The following MRC1 variants were observed in gnomAD, a reference collection of about 807,000 sequenced individuals.
The protein encoded by MRC1 is macrophage mannose receptor 1.
Under a neutral mutation model 102.9 loss-of-function variants are expected in MRC1, and 62 were observed. The observed-to-expected ratio is 0.60, with a 90% CI of 0.49 to 0.74. The LOEUF is 0.74. Ranked by LOEUF, MRC1 falls within the 30% of genes least tolerant of loss-of-function variation. The pLI, the probability that MRC1 is intolerant of heterozygous loss-of-function variation, is 0.00. For synonymous variants in MRC1, 457 were observed against 298.4 expected (o/e 1.53, Z -5.48); for missense variants, 1,237 against 862.8 (o/e 1.43, Z -5.43).
intron 8 of MRC1, among the ~76,000 whole-genome samples, chr10:17,855,169 T>A (rs1833065047): frequency 6.6e-6 from 1 of 152,132 alleles, no homozygotes; most frequent in Non-Finnish European, 1.5e-5. Flanking sequence ...AAGATGACTG[T>A]GGTTTCATGA....
intron 1 of MRC1, among the ~76,000 whole-genome samples, chr10:17,819,373 T>C (rs1424665479): frequency 2.0e-5 from 3 of 152,044 alleles, no homozygotes; most frequent in African/African-American, 7.2e-5. Flanking sequence ...AGCCAAACCA[T>C]GGTGGCTTGG....
intron 21 of MRC1, among the ~76,000 whole-genome samples, chr10:17,882,431 C>T (rs966254240): frequency 6.6e-6 from 1 of 151,854 alleles, no homozygotes; most frequent in East Asian, 1.9e-4. Context: ...AGATGCTCAA[C>T]AGTTGTTTGT....
In MRC1 at chr10:17,870,861, T is replaced by C; in HGVS notation, c.2125T>C (p.Tyr709His). 1 of 872,458 alleles carries C rather than the reference T, an allele frequency of 1.1e-6. No individual in the cohort carries two copies. Among genetic ancestry groups the C allele is most frequent in the Non-Finnish European group, 2.0e-6 (1 of 501,248 alleles). 54.0% of individuals were successfully genotyped at this position (872,458 alleles called of 1,614,324 possible). Residue 709 changes from tyrosine to histidine, a missense_variant, in exon 14 of 30, where the codon TAC (tyrosine) becomes CAC (histidine). By Grantham distance (83) the Tyr-to-His change is moderately conservative. Transcript: ENST00000569591. ...TGGATTTCATAGAGCTAGTGGAAGC[T>C]ACCACAAACTGTTTTGGTTGGGATT... is the stretch of plus-strand genomic sequence containing the variant. The part of the protein sequence containing the change: ...IWRLITASGS[Y>H]HKLFWLGLTY...
At chr10:17,905,548 G>A (rs1036338656) in intron 26 of MRC1, among the ~76,000 whole-genome samples, 9,501 of 151,530 alleles carry the variant, frequency 0.063, 992 homozygotes, top group African/African-American at 0.22. Flanking sequence ...TGAATATGTA[G>A]AAACTTTGTT....
At chr10:17,820,766 C>CT (rs1554838222) in intron 1 of MRC1, among the ~76,000 whole-genome samples, 1 of 152,056 alleles carries the variant, frequency 6.6e-6, no homozygotes, top group African/African-American at 2.4e-5. Flanking sequence ...TTACATATAT[C>CT]TATGGCAAAA....
intron 12 of MRC1, among the ~76,000 whole-genome samples, 197 bp downstream of exon 12, chr10:17,866,958 A>G (rs1833278028): frequency 6.6e-6 from 1 of 152,034 alleles, no homozygotes; most frequent in Admixed American, 6.6e-5. Context: ...AGACCCACAA[A>G]TACAACCAAC....
intron 14 of MRC1, 113 bp downstream of exon 14, chr10:17,871,048 A>G (rs1451097203): frequency 1.2e-5 from 9 of 748,184 alleles, no homozygotes; most frequent in African/African-American, 3.5e-5. Flanking sequence ...GATAGCCACT[A>G]TCCTGCCATG....
chr10:17,810,260 G>A (rs903890572), intron 1 of MRC1, among the ~76,000 whole-genome samples: 4 of 152,122 alleles, frequency 2.6e-5, no homozygotes, highest in Non-Finnish European at 5.9e-5. Context: ...TTCAGGATGG[G>A]AGTGCCTCGG....
chr10:17,844,116 GTCT>G (rs1313001489), intron 5 of MRC1, among the ~76,000 whole-genome samples: 2 of 152,218 alleles, frequency 1.3e-5, no homozygotes, highest in Non-Finnish European at 1.5e-5. Flanking sequence ...GCTGCTGAAA[GTCT>G]TCTTCAGTAG....
intron 2 of MRC1, among the ~76,000 whole-genome samples, chr10:17,826,382 T>C (rs1036300577): frequency 7.2e-5 from 11 of 152,130 alleles, no homozygotes; most frequent in Non-Finnish European, 1.2e-4. Flanking sequence ...TTTCTATTTT[T>C]AGTGGAGACA....
In MRC1 at chr10:17,809,485, T is replaced by C. The variant is rs1838190225; in HGVS notation, c.20T>C (p.Leu7Pro). 1 of 872,676 alleles carries C rather than the reference T, an allele frequency of 1.1e-6. No individual in the cohort carries two copies. Among genetic ancestry groups the C allele is most frequent in the Non-Finnish European group, 2.0e-6 (1 of 501,518 alleles). The allele number at this position is 872,676 out of a possible 1,614,324, so 54.1% of individuals were successfully genotyped here. A position where few individuals can be genotyped will look rare whatever the true frequency, so the allele number is the denominator to read the frequency against. Residue 7 changes from leucine to proline, a missense_variant, in exon 1 of 30, where the codon CTG (leucine) becomes CCG (proline). Leu to Pro is a moderately conservative substitution (Grantham distance 98). Transcript: ENST00000569591. MRLPLL[L>P]VFASVIPGAV... The stretch of plus-strand genomic sequence containing the variant: ...TGGGCCATGAGGCTACCCCTGCTCC[T>C]GGTTTTTGCCTCTGTCATTCCGGGT...
rs1430993332 is a variant in MRC1, at chr10:17,870,789, A to C, written c.2112-59A>C. On this transcript the variant is annotated intron_variant, in intron 13 of 29. Coordinates refer to ENST00000569591, the MANE Select transcript of MRC1 (RefSeq NM_002438.4). ...CTTTCAAATGTGGTTAGTCCTCATA[A>C]GTTACTGAACTTGCTTCATGCAATA... is the stretch of plus-strand genomic sequence containing the variant. 14 of 863,358 alleles carry C rather than the reference A, an allele frequency of 1.6e-5. No individual in the cohort carries two copies. In the East Asian group the frequency reaches 3.4e-4, roughly 21 times the overall value. The allele number at this position is 863,358 out of a possible 1,614,324, so 53.5% of individuals were successfully genotyped here.
At chr10:17,852,006 C>T (rs1404550066) in intron 7 of MRC1, among the ~76,000 whole-genome samples, 1 of 152,218 alleles carries the variant, frequency 6.6e-6, no homozygotes, top group African/African-American at 2.4e-5. Context: ...GATCATACAT[C>T]AAGCATTCAT....
At chr10:17,833,128 G>C (rs1162329614) in intron 3 of MRC1, among the ~76,000 whole-genome samples, 8 of 151,680 alleles carry the variant, frequency 5.3e-5, no homozygotes, top group Non-Finnish European at 8.8e-5. Context: ...CTTTCTTTAG[G>C]CATGTGGAAA....
At chr10:17,827,444 G>C (rs1255987372) in intron 2 of MRC1, 98 bp from the exon 3 acceptor site, 1 of 531,598 alleles carries the variant, frequency 1.9e-6, no homozygotes, top group Non-Finnish European at 3.6e-6. Flanking sequence ...AGTGTAATCA[G>C]AACAGTAAGA....
intron 6 of MRC1, among the ~76,000 whole-genome samples, chr10:17,846,349 A>G (rs1205712185): frequency 6.6e-6 from 1 of 151,172 alleles, no homozygotes; most frequent in Non-Finnish European, 1.5e-5. Flanking sequence ...CATATTTTTT[A>G]TTATTACCTC....
intron 8 of MRC1, chr10:17,854,734 G>C (rs935606054): frequency 1.7e-5 from 4 of 230,524 alleles, no homozygotes; most frequent in Non-Finnish European, 3.5e-5. Flanking sequence ...TGCTGCCCAG[G>C]CTGGAGTGCA....
At chr10:17,874,774 A>G (rs1013167576) in intron 16 of MRC1, among the ~76,000 whole-genome samples, 11 of 151,956 alleles carry the variant, frequency 7.2e-5, no homozygotes, top group Non-Finnish European at 1.0e-4. Flanking sequence ...TTATGGGTGC[A>G]TTATACATAA....
chr10:17,842,567 G>T (rs1191951096), intron 5 of MRC1, among the ~76,000 whole-genome samples: 5 of 152,090 alleles, frequency 3.3e-5, no homozygotes, highest in African/African-American at 1.2e-4. Flanking sequence ...ATCCTTTTTT[G>T]TGCGTGAAAA....
Sources: gnomAD v4.1 joint callset for allele counts (sites outside exome capture counted in the v4.1 genomes callset) on GRCh38, gnomAD v4.1.1 for gene constraint, MANE v1.5 for transcripts, NCBI Gene and HGNC (gene_info 2026-07-23, HGNC 2026-07-21) for gene names.